Variants in TMTC2 observed in about 807,000 individuals in gnomAD.
TMTC2 encodes transmembrane O-mannosyltransferase targeting cadherins 2.
In TMTC2, 43 loss-of-function variants were observed where a neutral mutation model predicts 82.4. That is an observed-to-expected ratio of 0.52 (90% CI 0.41 to 0.67). The LOEUF is 0.67. Among genes scored for constraint, TMTC2 ranks in the 30% least tolerant of loss-of-function variants. TMTC2 has a pLI of 0.00. For missense variants in TMTC2, 919 were observed against 1,012.4 expected, an observed-to-expected ratio of 0.91 and a Z score of 1.25; for synonymous variants, 408 against 381.9, an observed-to-expected ratio of 1.07 and a Z score of -0.80.
intron 1 of TMTC2, among the ~76,000 whole-genome samples, chr12:82,763,883 A>G (rs1217532300): frequency 6.6e-6 from 1 of 152,178 alleles, no homozygotes; most frequent in Non-Finnish European, 1.5e-5. Context: ...TCATTTTATG[A>G]TGCTAGCATA....
intron 2 of TMTC2, among the ~76,000 whole-genome samples, chr12:82,859,856 G>T (rs1871447680): frequency 6.6e-6 from 1 of 152,190 alleles, no homozygotes; most frequent in African/African-American, 2.4e-5. Flanking sequence ...GTGGTCGGGG[G>T]CAGCAAGACT....
At chr12:82,693,346 G>A (rs887330833) in intron 1 of TMTC2, among the ~76,000 whole-genome samples, 1 of 152,026 alleles carries the variant, frequency 6.6e-6, no homozygotes, top group Non-Finnish European at 1.5e-5. Flanking sequence ...TGGTACTTTG[G>A]CCTGGCCTTA....
chr12:82,881,994 A>ATTTTT (rs869127384), intron 2 of TMTC2, among the ~76,000 whole-genome samples: 24 of 107,262 alleles, frequency 2.2e-4, no homozygotes, highest in East Asian at 1.3e-3. Context: ...TGTTGTTAAG[A>ATTTTT]TTTTTTTTTT....
At chr12:82,911,993 GT>G (rs1188491326) in intron 3 of TMTC2, among the ~76,000 whole-genome samples, 6 of 152,126 alleles carry the variant, frequency 3.9e-5, no homozygotes, top group African/African-American at 1.4e-4. Flanking sequence ...TGTATTGGAG[GT>G]TTTATTTTGT....
At chr12:82,785,019 G>A (rs2137014369) in intron 1 of TMTC2, among the ~76,000 whole-genome samples, 1 of 152,146 alleles carries the variant, frequency 6.6e-6, no homozygotes, top group East Asian at 1.9e-4. Context: ...AACAACTGAA[G>A]GCTATTACCT....
intron 10 of TMTC2, among the ~76,000 whole-genome samples, chr12:83,056,628 G>C (rs1565871645): frequency 6.6e-6 from 1 of 151,756 alleles, no homozygotes; most frequent in Non-Finnish European, 1.5e-5. Flanking sequence ...TGTATCTTGG[G>C]GATGTGTGTA....
At chr12:82,955,549 C>G (rs932377759) in intron 4 of TMTC2, among the ~76,000 whole-genome samples, 2 of 152,110 alleles carry the variant, frequency 1.3e-5, no homozygotes, top group African/African-American at 4.8e-5. Flanking sequence ...AAATACTACA[C>G]ATGCAGTATT....
chr12:82,918,233 A>G (rs1875133271), intron 3 of TMTC2, among the ~76,000 whole-genome samples: 1 of 152,210 alleles, frequency 6.6e-6, no homozygotes, highest in African/African-American at 2.4e-5. Context: ...ATCTGAATAA[A>G]AACAATTCTT....
At chr12:82,786,541 A>C (rs1239939446) in intron 1 of TMTC2, among the ~76,000 whole-genome samples, 1 of 152,140 alleles carries the variant, frequency 6.6e-6, no homozygotes. Context: ...TTGATAGTGA[A>C]AAAATATATT....
chr12:83,017,988 T>G (rs921304420), intron 8 of TMTC2, among the ~76,000 whole-genome samples: 1 of 148,666 alleles, frequency 6.7e-6, no homozygotes, highest in African/African-American at 2.5e-5. Flanking sequence ...ATGTTCTTAA[T>G]AGCTGAAGCT....
chr12:82,700,682 A>G (rs1221175245), intron 1 of TMTC2, among the ~76,000 whole-genome samples: 1 of 152,230 alleles, frequency 6.6e-6, no homozygotes, highest in African/African-American at 2.4e-5. Flanking sequence ...TGAAATGTAC[A>G]TATGAAAAAC....
intron 1 of TMTC2, among the ~76,000 whole-genome samples, chr12:82,728,130 G>A (rs1874559033): frequency 6.6e-6 from 1 of 151,930 alleles, no homozygotes; most frequent in African/African-American, 2.4e-5. Context: ...GAATAGCTGG[G>A]AATGGCAGGC....
At chr12:83,116,284 TTG>T (rs199906624) in intron 11 of TMTC2, among the ~76,000 whole-genome samples, 1 of 151,910 alleles carries the variant, frequency 6.6e-6, no homozygotes, top group South Asian at 2.1e-4. Flanking sequence ...TAGTATTCCA[TTG>T]TGTGTGTGTG....
intron 1 of TMTC2, among the ~76,000 whole-genome samples, chr12:82,726,884 A>G (rs1338899917): frequency 6.6e-6 from 1 of 151,094 alleles, no homozygotes; most frequent in African/African-American, 2.4e-5. Context: ...GTCTCAAAAA[A>G]AAAAAAAAAA....
At chr12:82,988,442 C>G (rs893295739) in intron 8 of TMTC2, among the ~76,000 whole-genome samples, 1 of 152,142 alleles carries the variant, frequency 6.6e-6, no homozygotes, top group Non-Finnish European at 1.5e-5. Flanking sequence ...GTATTCAGGT[C>G]TCTCCCCTTT....
intron 9 of TMTC2, among the ~76,000 whole-genome samples, chr12:83,041,449 C>T (rs1426934777): frequency 6.6e-6 from 1 of 151,946 alleles, no homozygotes. Flanking sequence ...GTAACTAGCA[C>T]ATAATAAATG....
At chr12:82,820,158 A>G (rs1869002630) in intron 1 of TMTC2, among the ~76,000 whole-genome samples, 1 of 152,092 alleles carries the variant, frequency 6.6e-6, no homozygotes, top group Non-Finnish European at 1.5e-5. Flanking sequence ...GCCTGCTTTT[A>G]TTCTGGCTGT....
intron 2 of TMTC2, among the ~76,000 whole-genome samples, chr12:82,872,554 G>C (rs543186597): frequency 6.6e-6 from 1 of 152,152 alleles, no homozygotes; most frequent in South Asian, 2.1e-4. Flanking sequence ...AATATTTCCC[G>C]CATTGCTTTA....
At chr12:83,129,891 A>G (rs765311120) in intron 11 of TMTC2, among the ~76,000 whole-genome samples, 1 of 152,212 alleles carries the variant, frequency 6.6e-6, no homozygotes, top group Non-Finnish European at 1.5e-5. Context: ...TAGAGCTGGT[A>G]TTTGAACCTA....
Sources: gnomAD v4.1 joint callset for allele counts (sites outside exome capture counted in the v4.1 genomes callset) on GRCh38, gnomAD v4.1.1 for gene constraint, MANE v1.5 for transcripts, NCBI Gene and HGNC (gene_info 2026-07-23, HGNC 2026-07-21) for gene names.